The following PTPRA variants were observed in gnomAD, a reference collection of about 807,000 sequenced individuals.
The protein encoded by PTPRA is protein tyrosine phosphatase receptor type A.
Under a neutral mutation model 104.8 loss-of-function variants are expected in PTPRA, and 25 were observed. The ratio of observed to expected loss-of-function variants is 0.24; its 90% CI spans 0.17 to 0.33. The LOEUF is 0.33. Among genes scored for constraint, PTPRA ranks in the 10% least tolerant of loss-of-function variants. The pLI is 1.00. For synonymous variants in PTPRA, 323 were observed against 368.9 expected (o/e 0.88, Z 1.43); for missense variants, 765 against 1,015.3 (o/e 0.75, Z 3.35).
chr20:3,021,449 T>C, intron 14 of PTPRA, 21 bp downstream of exon 14: 1 of 1,613,338 alleles, frequency 6.2e-7, no homozygotes, highest in Non-Finnish European at 8.5e-7. Flanking sequence ...CTCTGTCCTT[T>C]CTCAGTTCTT....
At chr20:2,875,486 T>C (rs1384361535) in intron 1 of PTPRA, among the ~76,000 whole-genome samples, 1 of 152,218 alleles carries the variant, frequency 6.6e-6, no homozygotes, top group Non-Finnish European at 1.5e-5. Flanking sequence ...CTGACTTCAG[T>C]ACATTCATGT....
chr20:2,894,129 G>A (rs2058901955), intron 1 of PTPRA, among the ~76,000 whole-genome samples: 1 of 152,106 alleles, frequency 6.6e-6, no homozygotes. Flanking sequence ...TAATCAAACA[G>A]CAGAATAATT....
intron 1 of PTPRA, among the ~76,000 whole-genome samples, chr20:2,903,495 G>C (rs1272416271): frequency 6.6e-6 from 1 of 152,118 alleles, no homozygotes; most frequent in African/African-American, 2.4e-5. Flanking sequence ...AGACCAGCCT[G>C]GGCAACATAG....
intron 5 of PTPRA, among the ~76,000 whole-genome samples, chr20:2,967,115 G>A (rs1401787064): frequency 6.6e-6 from 1 of 152,172 alleles, no homozygotes; most frequent in Non-Finnish European, 1.5e-5. Flanking sequence ...GAGGTTAAAT[G>A]ATTTGTTTTA....
chr20:2,901,080 C>G (rs1568645165), intron 1 of PTPRA, among the ~76,000 whole-genome samples: 1 of 151,918 alleles, frequency 6.6e-6, no homozygotes, highest in Non-Finnish European at 1.5e-5. Flanking sequence ...AAGTGATTCT[C>G]CTGCCTCAGC....
chr20:2,910,016 A>C (rs1246023796), intron 1 of PTPRA, among the ~76,000 whole-genome samples: 1 of 85,724 alleles, frequency 1.2e-5, no homozygotes, highest in Admixed American at 1.4e-4. Context: ...TATATCATAT[A>C]TAATCTATCA....
At chr20:3,030,641 C>T (rs1438063230) in intron 20 of PTPRA, among the ~76,000 whole-genome samples, 5 of 146,400 alleles carry the variant, frequency 3.4e-5, no homozygotes, top group South Asian at 2.2e-4. Context: ...ATTAAAATCT[C>T]GAAGGAATTA....
At chr20:2,884,821 T>TG (rs2090284119) in intron 1 of PTPRA, among the ~76,000 whole-genome samples, 1 of 150,764 alleles carries the variant, frequency 6.6e-6, no homozygotes, top group African/African-American at 2.4e-5. Flanking sequence ...TGTTTTTTTT[T>TG]TTTTTTGAGA....
At chr20:2,979,410 A>G (rs1312631915) in intron 6 of PTPRA, among the ~76,000 whole-genome samples, 3 of 152,038 alleles carry the variant, frequency 2.0e-5, no homozygotes, top group Non-Finnish European at 4.4e-5. Context: ...TTTCTTTTCT[A>G]TGCTGTCATA....
At chr20:3,021,970 C>G (rs948351060) in intron 14 of PTPRA, 84 bp from the exon 15 acceptor site, 54 of 1,522,156 alleles carry the variant, frequency 3.5e-5, no homozygotes, top group Non-Finnish European at 4.6e-5. Flanking sequence ...TTGTCACTGA[C>G]AACCACAGCT....
At chr20:3,016,470 G>A (rs577625299) in intron 12 of PTPRA, among the ~76,000 whole-genome samples, 16 of 152,328 alleles carry the variant, frequency 1.1e-4, no homozygotes, top group Admixed American at 4.6e-4. Context: ...AATTGAGGCC[G>A]GGCAGGGTGG....
chr20:2,965,827 A>C lies in PTPRA; in HGVS notation c.415+625A>C, dbSNP rs1051969251. ...TTGAAGCAGTAGTCCCAAGGAGAAA[A>C]TCAGAGACGTGGATCTGAGACCAGG... On this transcript the variant is annotated intron_variant, in intron 5 of 23. Coordinates refer to ENST00000399903, the MANE Select transcript of PTPRA (RefSeq NM_001385305.1). Among the ~76,000 whole-genome samples, 22 of 152,306 alleles carry C rather than the reference A, an allele frequency of 1.4e-4. 1 individual carries two copies. Among genetic ancestry groups the C allele is most frequent in the African/African-American group, 5.3e-4 (22 of 41,558 alleles).
intron 1 of PTPRA, among the ~76,000 whole-genome samples, chr20:2,906,377 G>A (rs973440706): frequency 6.6e-5 from 10 of 152,136 alleles, no homozygotes; most frequent in East Asian, 5.8e-4. Flanking sequence ...TATATGCTTC[G>A]GCTGAAGAAA....
chr20:3,030,760 G>T (rs187078117), intron 20 of PTPRA, among the ~76,000 whole-genome samples: 68 of 125,386 alleles, frequency 5.4e-4, no homozygotes, highest in African/African-American at 2.1e-3. Context: ...ATCTCAGCTC[G>T]CTGCAACCTC....
intron 3 of PTPRA, among the ~76,000 whole-genome samples, chr20:2,955,901 C>A (rs1015743103): frequency 1.3e-5 from 2 of 152,124 alleles, no homozygotes; most frequent in Non-Finnish European, 2.9e-5. Flanking sequence ...CCCTACCCCC[C>A]ACAGATACAA....
chr20:2,970,997 A>G (rs1380382614), intron 5 of PTPRA, among the ~76,000 whole-genome samples: 1 of 152,110 alleles, frequency 6.6e-6, no homozygotes, highest in Non-Finnish European at 1.5e-5. Context: ...ACCTCTTCAT[A>G]TGTATTTGAG....
intron 9 of PTPRA, among the ~76,000 whole-genome samples, chr20:3,004,234 T>G (rs2063758408): frequency 6.6e-6 from 1 of 152,074 alleles, no homozygotes; most frequent in Non-Finnish European, 1.5e-5. Flanking sequence ...GCCAGGCTGG[T>G]CTCGAACTCC....
chr20:2,864,691 A>G, the PTPRA span: 34 of 1,599,262 alleles, frequency 2.1e-5, no homozygotes, highest in Non-Finnish European at 2.4e-5. The surrounding 1 kb of genome is among the most constrained non-coding windows in gnomAD (Gnocchi z 5.2). Context: ...CGTGTGGGGC[A>G]TGTGGGCTGG....
chr20:2,894,268 C>A (rs1251410903), intron 1 of PTPRA, among the ~76,000 whole-genome samples: 1 of 152,180 alleles, frequency 6.6e-6, no homozygotes, highest in African/African-American at 2.4e-5. Context: ...ATAATGCCCT[C>A]AAAACTCAGC....
Sources: allele counts gnomAD v4.1 joint callset (sites outside exome capture counted in the v4.1 genomes callset), GRCh38; gene constraint gnomAD v4.1.1; non-coding constraint Gnocchi (gnomAD v3.1); transcripts MANE v1.5; gene names NCBI Gene and HGNC (gene_info 2026-07-23, HGNC 2026-07-21).